Variants in USP31 observed in about 807,000 individuals in gnomAD.
USP31 encodes ubiquitin carboxyl-terminal hydrolase 31.
Under a neutral mutation model 119.4 loss-of-function variants are expected in USP31, and 44 were observed. The ratio of observed to expected loss-of-function variants is 0.37; its 90% confidence interval spans 0.29 to 0.47. USP31 has a LOEUF of 0.47. USP31 is among the 20% of genes least tolerant of loss of function. The pLI is 0.99. For missense variants in USP31, 1,643 were observed against 1,730.2 expected (o/e 0.95, Z 0.89); for synonymous variants, 749 against 705.6 (o/e 1.06, Z -0.97).
rs1903613994 is a variant in USP31, at chr16:23,148,810, T to C, written c.461A>G (p.Glu154Gly). The C allele has an allele frequency of 6.5e-7, 1 of 1,538,290 alleles. No individual in the cohort carries two copies. The highest frequency in any genetic ancestry group is 1.7e-4 in the Middle Eastern group (1 of 5,814). Residue 154 changes from glutamate (E) to glycine (G), a missense_variant, in exon 1 of 16, where the codon GAG becomes GGG. Coordinates refer to ENST00000219689, the MANE Select transcript of USP31 (RefSeq NM_020718.4). ...QCLSNTELFA[E>G]YLALGQYRAG... ...CCGGTACTGGCCCAGCGCCAGGTAC[T>C]CGGCGAAGAGCTCGGTGTTGCTGAG...
Position 23,080,139 on chromosome 16 carries a change from C to G in USP31, c.1983G>C (p.Met661Ile). The G allele has an allele frequency of 6.3e-7, 1 of 1,579,838 alleles. No individual in the cohort carries two copies. The highest frequency in any genetic ancestry group is 8.6e-7 in the Non-Finnish European group (1 of 1,166,042). Residue 661 changes from methionine to isoleucine, a missense_variant, in exon 13 of 16, where the codon ATG (methionine) becomes ATC (isoleucine). Met to Ile is a conservative substitution (Grantham distance 10, BLOSUM62 1). This residue lies in a region of USP31 where 279 missense variants were observed against 372.2 expected (regional missense o/e 0.75). Transcript: ENST00000219689. ...CCAGGCCAGTCAAGGGGAATTTGACCATGTTCTGAAGTTTCATGCGCCTGT... is the reference window on the plus strand; with the variant it reads ...CCAGGCCAGTCAAGGGGAATTTGACGATGTTCTGAAGTTTCATGCGCCTGT... ...EGDRRMKLQN[M>I]VKFPLTGLDM... is the part of the protein sequence containing the mutation.
chr16:23,081,014 AAAAATCAATT>A (rs1900797016), intron 12 of USP31, among the ~76,000 whole-genome samples: 1 of 152,226 alleles, frequency 6.6e-6, no homozygotes, highest in African/African-American at 2.4e-5. Context: ...AATGGAGGTG[AAAAATCAATT>A]AAAATCATTG....
chr16:23,093,923 C>A (rs912067565), intron 6 of USP31, among the ~76,000 whole-genome samples: 1 of 152,208 alleles, frequency 6.6e-6, no homozygotes, highest in African/African-American at 2.4e-5. Flanking sequence ...CAGCTCCCAG[C>A]ATGATCGATG....
intron 13 of USP31, among the ~76,000 whole-genome samples, chr16:23,078,297 C>T (rs1278714241): frequency 1.6e-5 from 2 of 127,994 alleles, no homozygotes; most frequent in African/African-American, 6.0e-5. Flanking sequence ...GGTGAGAGAG[C>T]GAGACTCCGT....
At chr16:23,096,972 G>A (rs753965579) in intron 6 of USP31, among the ~76,000 whole-genome samples, 3 of 151,784 alleles carry the variant, frequency 2.0e-5, no homozygotes, top group Admixed American at 1.3e-4. Flanking sequence ...GCTAGCAGAA[G>A]GCAAGAAATA....
At chr16:23,146,283 T>C (rs573304106) in intron 1 of USP31, among the ~76,000 whole-genome samples, 1 of 151,822 alleles carries the variant, frequency 6.6e-6, no homozygotes, top group South Asian at 2.1e-4. Context: ...CTCCTGATCA[T>C]TCTCCCTTTC....
rs571562294 is a variant in USP31, at chr16:23,063,229, A to C, written c.*4817T>G. ...AAATTTGCTGTGCACCCCTTCTCCC[A>C]AAAATTGGGAAACACTAAACAAATG... is the stretch of plus-strand genomic sequence containing the variant. On this transcript the variant is annotated 3_prime_UTR_variant, in exon 16 of 16. Coordinates refer to ENST00000219689, the MANE Select transcript of USP31 (RefSeq NM_020718.4). 3 of 152,354 alleles carry C rather than the reference A, an allele frequency of 2.0e-5. No homozygotes were observed. Among genetic ancestry groups the C allele is most frequent in the East Asian group, 1.9e-4 (1 of 5,178 alleles). 9.4% of individuals were successfully genotyped at this position (152,354 alleles called of 1,614,324 possible). A position where few individuals can be genotyped will look rare whatever the true frequency, so the allele number is the denominator to read the frequency against.
intron 1 of USP31, among the ~76,000 whole-genome samples, chr16:23,140,851 A>G (rs1903333963): frequency 6.6e-6 from 1 of 152,134 alleles, no homozygotes; most frequent in South Asian, 2.1e-4. Flanking sequence ...TGCTCTCCTC[A>G]ACGTTCTCTG....
chr16:23,137,750 GC>G (rs1903236484), intron 1 of USP31, among the ~76,000 whole-genome samples: 1 of 148,850 alleles, frequency 6.7e-6, no homozygotes, highest in South Asian at 2.1e-4. Context: ...ATCCAACAAA[GC>G]AAAAAGTTAT....
chr16:23,121,102 A>G (rs56906493), intron 1 of USP31, among the ~76,000 whole-genome samples: 25,302 of 152,226 alleles, frequency 0.17, 2,613 homozygotes, highest in Admixed American at 0.26. Flanking sequence ...TATAACTGCA[A>G]TATCACTTAG....
At chr16:23,139,957 A>G (rs1335114931) in intron 1 of USP31, among the ~76,000 whole-genome samples, 2 of 152,090 alleles carry the variant, frequency 1.3e-5, no homozygotes, top group Non-Finnish European at 2.9e-5. Flanking sequence ...AGTTTTCTTA[A>G]TAATGTCCAA....
chr16:23,101,970 TAAAAAAAAA>T (rs34773118), intron 6 of USP31, among the ~76,000 whole-genome samples: 8 of 85,528 alleles, frequency 9.4e-5, no homozygotes, highest in South Asian at 4.3e-4. Context: ...TAGCAAAATT[TAAAAAAAAA>T]AAAAAAAAAA....
At chr16:23,103,550 T>A (rs189699121) in intron 5 of USP31, among the ~76,000 whole-genome samples, 9 of 152,334 alleles carry the variant, frequency 5.9e-5, no homozygotes, top group Admixed American at 3.3e-4. Context: ...CAGTAACCCT[T>A]CGCATTAAGA....
intron 9 of USP31, 59 bp downstream of exon 9, chr16:23,087,033 A>T: frequency 7.7e-7 from 1 of 1,295,232 alleles, no homozygotes; most frequent in Non-Finnish European, 1.1e-6. Flanking sequence ...CATCACTTGA[A>T]ATCACACATG....
Position 23,069,669 on chromosome 16 carries a change from C to T in USP31, c.2489-53G>A, listed in dbSNP as rs1900268101. The T allele has an allele frequency of 2.6e-6, 4 of 1,542,670 alleles. No homozygotes were observed. In the South Asian group the frequency reaches 3.8e-5, roughly 15 times the overall value. ...AGTTAAGCCAATGAAGACATTCTAA[C>T]AACACTGTAAGACACTGAAGGTGAA... On this transcript the variant is annotated intron_variant, in intron 15 of 15. Transcript: ENST00000219689.
In USP31 at chr16:23,069,354, G is replaced by T. The variant is rs1900250192; in HGVS notation, c.2751C>A (p.Asn917Lys). ...TTGGTTCCTGGTAACTGCTAGAAAG[G>T]TTCCGCAAGCTACCAAAGCAAGAGA... ...VSISCFGSLR[N>K]LSSSYQEPSD... Residue 917 changes from asparagine to lysine, a missense_variant, in exon 16 of 16, where the codon AAC becomes AAA. Coordinates refer to ENST00000219689, the MANE Select transcript of USP31 (RefSeq NM_020718.4). The T allele has an allele frequency of 2.5e-6, 4 of 1,604,774 alleles. No homozygotes were observed. Among genetic ancestry groups the T allele is most frequent in the Non-Finnish European group, 2.6e-6 (3 of 1,173,904 alleles).
chr16:23,129,116 A>G (rs1301468768), intron 1 of USP31, among the ~76,000 whole-genome samples: 1 of 152,180 alleles, frequency 6.6e-6, no homozygotes, highest in Non-Finnish European at 1.5e-5. Context: ...CAAACAGCCC[A>G]CAATAGATTG....
intron 9 of USP31, 80 bp downstream of exon 9, chr16:23,087,012 A>C: frequency 9.3e-7 from 1 of 1,081,052 alleles, no homozygotes; most frequent in Non-Finnish European, 1.3e-6. Flanking sequence ...TTATGTGGAA[A>C]TTATATAAGA....
intron 1 of USP31, among the ~76,000 whole-genome samples, chr16:23,137,606 A>G (rs565538495): frequency 1.3e-5 from 2 of 151,622 alleles, no homozygotes; most frequent in South Asian, 2.1e-4. Flanking sequence ...TGACATATAT[A>G]TATGTGTTAT....
Sources: allele counts gnomAD v4.1 joint callset (sites outside exome capture counted in the v4.1 genomes callset), GRCh38; gene constraint gnomAD v4.1.1; regional missense constraint gnomAD v4.1.1; transcripts MANE v1.5; gene names NCBI Gene and HGNC (gene_info 2026-07-23, HGNC 2026-07-21).